The following CCBE1 variants were observed in gnomAD, a reference collection of about 807,000 sequenced individuals.
CCBE1 encodes collagen and calcium binding EGF domains 1, also known as collagen and calcium-binding EGF domain-containing protein 1.
CCBE1 carries 37 observed loss-of-function variants against 50.0 expected under a neutral mutation model. The observed-to-expected ratio is 0.74, with a 90% CI of 0.57 to 0.97. CCBE1 has a LOEUF of 0.97. Among genes scored for constraint, CCBE1 ranks in the 50% least tolerant of loss-of-function variants. The pLI, the probability that CCBE1 is intolerant of heterozygous loss-of-function variation, is 0.00. For synonymous variants in CCBE1, 234 were observed against 203.7 expected (o/e 1.15, Z -1.27); for missense variants, 538 against 523.8 (o/e 1.03, Z -0.26).
chr18:59,490,174 G>A (rs934040243), intron 2 of CCBE1, among the ~76,000 whole-genome samples: 1 of 151,876 alleles, frequency 6.6e-6, no homozygotes, highest in Non-Finnish European at 1.5e-5. Context: ...TAGTAGAGAC[G>A]GGGTTTCGCC....
At chr18:59,678,878 C>A (rs929925261) in intron 2 of CCBE1, among the ~76,000 whole-genome samples, 2 of 152,072 alleles carry the variant, frequency 1.3e-5, no homozygotes, top group African/African-American at 2.4e-5. Context: ...GTTGACTAAT[C>A]CAATTTTGCT....
chr18:59,628,910 C>T (rs1288314825), intron 2 of CCBE1, among the ~76,000 whole-genome samples: 9 of 152,210 alleles, frequency 5.9e-5, no homozygotes, highest in Non-Finnish European at 1.3e-4. Context: ...TTAAAACACT[C>T]AAAATCCAAC....
chr18:59,534,273 AT>A (rs1359724414), intron 2 of CCBE1, among the ~76,000 whole-genome samples: 2 of 152,206 alleles, frequency 1.3e-5, no homozygotes, highest in African/African-American at 4.8e-5. Flanking sequence ...CTTTGCTAGA[AT>A]TTTAAAAGTT....
chr18:59,659,512 T>C (rs2054253370), intron 2 of CCBE1, among the ~76,000 whole-genome samples: 1 of 152,140 alleles, frequency 6.6e-6, no homozygotes, highest in Non-Finnish European at 1.5e-5. Flanking sequence ...TGGTCGCACT[T>C]ACAGCAATTT....
At chr18:59,546,909 G>A (rs1464914825) in intron 2 of CCBE1, among the ~76,000 whole-genome samples, 1 of 151,946 alleles carries the variant, frequency 6.6e-6, no homozygotes, top group African/African-American at 2.4e-5. Context: ...TTTTCTAGCA[G>A]TAAAACAGAT....
intron 2 of CCBE1, among the ~76,000 whole-genome samples, chr18:59,627,209 C>T (rs747368700): frequency 6.1e-4 from 93 of 152,198 alleles, no homozygotes; most frequent in Non-Finnish European, 6.9e-4. Flanking sequence ...GTGATATATA[C>T]ACCATATTGT....
At chr18:59,655,016 G>T (rs1486504546) in intron 2 of CCBE1, among the ~76,000 whole-genome samples, 2 of 151,348 alleles carry the variant, frequency 1.3e-5, no homozygotes. Flanking sequence ...AAACCTGGGA[G>T]GCGGAGGTTG....
intron 2 of CCBE1, among the ~76,000 whole-genome samples, chr18:59,549,196 T>A (rs1915825193): frequency 6.6e-6 from 1 of 152,006 alleles, no homozygotes; most frequent in Non-Finnish European, 1.5e-5. Flanking sequence ...TGATCAAGTA[T>A]AAAATATTCC....
chr18:59,561,177 C>G (rs554584554), intron 2 of CCBE1, among the ~76,000 whole-genome samples: 1 of 152,316 alleles, frequency 6.6e-6, no homozygotes, highest in African/African-American at 2.4e-5. Context: ...TAATCTGCGC[C>G]AATAGCTGGG....
chr18:59,479,619 G>A (rs755219508), intron 3 of CCBE1, among the ~76,000 whole-genome samples: 1 of 152,204 alleles, frequency 6.6e-6, no homozygotes, highest in Non-Finnish European at 1.5e-5. Flanking sequence ...CTTGCCCAAG[G>A]TCAAAGCTAT....
intron 2 of CCBE1, among the ~76,000 whole-genome samples, chr18:59,681,275 T>C (rs954302716): frequency 5.3e-5 from 8 of 152,134 alleles, no homozygotes; most frequent in Non-Finnish European, 8.8e-5. Context: ...CAGAGGCTCT[T>C]TGGTCCATAA....
At chr18:59,600,363 C>T (rs1172633737) in intron 2 of CCBE1, among the ~76,000 whole-genome samples, 1 of 151,952 alleles carries the variant, frequency 6.6e-6, no homozygotes, top group African/African-American at 2.4e-5. Context: ...TGCAGGAAAA[C>T]AAGCTCAGGG....
At chr18:59,571,574 T>C (rs2052916378) in intron 2 of CCBE1, among the ~76,000 whole-genome samples, 1 of 152,132 alleles carries the variant, frequency 6.6e-6, no homozygotes, top group Non-Finnish European at 1.5e-5. Flanking sequence ...TATATACATA[T>C]GTAACAAACC....
intron 6 of CCBE1, among the ~76,000 whole-genome samples, chr18:59,450,785 T>C (rs367792542): frequency 1.3e-5 from 2 of 152,364 alleles, no homozygotes; most frequent in East Asian, 3.9e-4. Context: ...TCCGCCCGCC[T>C]TGGCTTCCCA....
intron 2 of CCBE1, among the ~76,000 whole-genome samples, chr18:59,583,561 T>G (rs891878134): frequency 6.6e-6 from 1 of 152,188 alleles, no homozygotes; most frequent in African/African-American, 2.4e-5. Flanking sequence ...TAAAGGGTGA[T>G]ATAAATCAAT....
At chr18:59,574,930 A>C (rs2052971098) in intron 2 of CCBE1, among the ~76,000 whole-genome samples, 2 of 152,210 alleles carry the variant, frequency 1.3e-5, no homozygotes, top group Non-Finnish European at 2.9e-5. Flanking sequence ...AGATGTAATT[A>C]GTAAGACGAA....
chr18:59,583,372 G>A (rs1204035134), intron 2 of CCBE1, among the ~76,000 whole-genome samples: 26 of 152,256 alleles, frequency 1.7e-4, no homozygotes, highest in East Asian at 1.9e-4. Context: ...CACTTCCCCA[G>A]CTGTCCATTT....
intron 7 of CCBE1, 43 bp from the exon 8 acceptor site, chr18:59,439,859 G>A: frequency 6.2e-7 from 1 of 1,609,612 alleles, no homozygotes; most frequent in Non-Finnish European, 8.5e-7. Flanking sequence ...CACATGAGAA[G>A]GACAAAGGGC....
chr18:59,546,700 G>A (rs952158925), intron 2 of CCBE1, among the ~76,000 whole-genome samples: 5 of 152,034 alleles, frequency 3.3e-5, no homozygotes, highest in Non-Finnish European at 7.4e-5. Flanking sequence ...ATTATATCTG[G>A]TAAATATTTT....
Sources: allele counts gnomAD v4.1 joint callset (sites outside exome capture counted in the v4.1 genomes callset), GRCh38; gene constraint gnomAD v4.1.1; transcripts MANE v1.5; gene names NCBI Gene and HGNC (gene_info 2026-07-23, HGNC 2026-07-21).